Variants in ARHGAP32 observed in about 807,000 individuals in gnomAD.
ARHGAP32 encodes Rho GTPase activating protein 32.
In ARHGAP32, 51 loss-of-function variants were observed where a neutral mutation model predicts 186.5. That is an observed-to-expected ratio of 0.27 (90% CI 0.22 to 0.35). The LOEUF is 0.35. Ranked by LOEUF, ARHGAP32 falls within the 10% of genes least tolerant of loss-of-function variation. The pLI is 1.00. For missense variants in ARHGAP32, 2,186 were observed against 2,623.5 expected (o/e 0.83, Z 3.64); for synonymous variants, 950 against 964.3 (o/e 0.99, Z 0.27).
rs188479055 is a variant in ARHGAP32 at position 129,230,158 on chromosome 11, A to G, written c.-5+48988T>C. 2.0e-5 allele frequency among the ~76,000 whole-genome samples: 3 copies of G among 152,270 alleles called. No individual in the cohort carries two copies. In the East Asian group the frequency reaches 5.8e-4, roughly 29 times the overall value. ...TAAATGAAAAACGAAGTTATATGCT[A>G]CTGAAGAATTGGGACATTGGGTGGC... On this transcript the variant is annotated intron_variant, in intron 1 of 6. Coordinates refer to the ARHGAP32 transcript ENST00000525234.
intron 2 of ARHGAP32, among the ~76,000 whole-genome samples, chr11:129,131,499 A>G (rs1199871474): frequency 5.3e-5 from 8 of 152,184 alleles, no homozygotes; most frequent in Non-Finnish European, 7.4e-5. Flanking sequence ...AAAACCACCC[A>G]AAGAAAACAG....
intron 11 of ARHGAP32, among the ~76,000 whole-genome samples, chr11:129,010,785 A>G (rs575643595): frequency 6.6e-6 from 1 of 152,324 alleles, no homozygotes; most frequent in African/African-American, 2.4e-5. Flanking sequence ...GTCTGATAGT[A>G]AAAGCTTCTG....
intron 6 of ARHGAP32, among the ~76,000 whole-genome samples, chr11:129,078,617 C>A (rs975032018): frequency 3.3e-5 from 5 of 152,192 alleles, no homozygotes; most frequent in African/African-American, 1.2e-4. Context: ...CTCAGCCTCC[C>A]GAGTAGCTGG....
chr11:129,020,592 C>T (rs1351790034), intron 11 of ARHGAP32, among the ~76,000 whole-genome samples: 1 of 152,032 alleles, frequency 6.6e-6, no homozygotes, highest in Non-Finnish European at 1.5e-5. Flanking sequence ...CAAGAGTTTA[C>T]TGCAGTAAAA....
intron 11 of ARHGAP32, chr11:129,030,427 G>A (rs985968008): frequency 9.9e-5 from 15 of 152,118 alleles, no homozygotes; most frequent in African/African-American, 3.4e-4. Context: ...TAGAGGACTG[G>A]TTTCCTGAAA....
upstream of ARHGAP32, among the ~76,000 whole-genome samples, chr11:129,279,492 C>T (rs1279185993): frequency 6.9e-6 from 1 of 144,814 alleles, no homozygotes; most frequent in African/African-American, 2.5e-5. Flanking sequence ...GCCTCTCACC[C>T]TGACGCCTTC....
At position 128,970,296 on chromosome 11, in the gene ARHGAP32, G is replaced by A. The variant is rs774506672; in HGVS notation, c.4917C>T (p.Ser1639=). The change falls in exon 23 of 23, where the codon TCC becomes TCT. Residue 1639 remains serine (S), a synonymous_variant. Coordinates refer to ENST00000682385, the MANE Select transcript of ARHGAP32 (RefSeq NM_001378024.1). This position sits in a 1 kb window ranked among gnomAD's most constrained non-coding sequence, Gnocchi z 5.8. ...RPLYQYKPYQ[S]SQARSDYHVT... ...CATGATAATCTGAGCGGGCCTGGGA[G>A]GACTGATATGGCTTATATTGGTACA... is the stretch of plus-strand genomic sequence containing the variant. 6 of 1,614,188 alleles carry A rather than the reference G, an allele frequency of 3.7e-6. No homozygotes were observed. In the Admixed American group the frequency reaches 5.0e-5, roughly 13 times the overall value.
At chr11:129,015,594 CATGTAACGACATACTGTAACGACATGTGT>C (rs1351503310) in intron 11 of ARHGAP32, among the ~76,000 whole-genome samples, 1 of 152,086 alleles carries the variant, frequency 6.6e-6, no homozygotes, top group Admixed American at 6.6e-5. Context: ...CATTTCCATC[CATGTAACGACATACTGTAACGACATGTGT>C]ATGTAGCCAT....
intron 6 of ARHGAP32, among the ~76,000 whole-genome samples, chr11:129,089,357 G>A (rs193185266): frequency 1.3e-5 from 2 of 152,308 alleles, no homozygotes; most frequent in Admixed American, 1.3e-4. Flanking sequence ...TTCATACTCT[G>A]AAGAAATAAG....
At position 129,254,105 on chromosome 11, in the gene ARHGAP32, A is replaced by G. The variant is rs550993238; in HGVS notation, c.-5+25041T>C. 1.8e-4 allele frequency among the ~76,000 whole-genome samples: 27 copies of G among 152,236 alleles called. No homozygotes were observed. In the South Asian group the frequency reaches 5.2e-3, roughly 29 times the overall value. ...AGCTTTAGATGCCTAACTCACATTC[A>G]GTTCAAATATTTGACAAGCATGACC... On this transcript the variant is annotated intron_variant, in intron 1 of 6. Coordinates refer to the ARHGAP32 transcript ENST00000525234.
At chr11:129,254,337 T>C (rs1176831391) in intron 1 of ARHGAP32, among the ~76,000 whole-genome samples, 1 of 152,100 alleles carries the variant, frequency 6.6e-6, no homozygotes, top group Non-Finnish European at 1.5e-5. Flanking sequence ...ACATGTCATA[T>C]GGGAATCTGG....
At chr11:129,047,443 T>C (rs1266009438) in intron 10 of ARHGAP32, among the ~76,000 whole-genome samples, 2 of 152,128 alleles carry the variant, frequency 1.3e-5, no homozygotes, top group African/African-American at 4.8e-5. Flanking sequence ...ATCCCCACAA[T>C]TCCAGGTTTT....
chr11:129,158,869 T>A (rs772196594), intron 2 of ARHGAP32, among the ~76,000 whole-genome samples: 1 of 151,346 alleles, frequency 6.6e-6, no homozygotes, highest in African/African-American at 2.4e-5. Flanking sequence ...TCCCAAACAA[T>A]AGGCAATCAA....
intron 1 of ARHGAP32, among the ~76,000 whole-genome samples, chr11:129,277,709 C>A (rs1945549500): frequency 6.6e-6 from 1 of 152,182 alleles, no homozygotes; most frequent in Non-Finnish European, 1.5e-5. Flanking sequence ...TGAAGCATCA[C>A]CATATATCCA....
intron 1 of ARHGAP32, among the ~76,000 whole-genome samples, chr11:129,174,542 G>C (rs1383520774): frequency 6.6e-6 from 1 of 152,200 alleles, no homozygotes; most frequent in East Asian, 1.9e-4. Context: ...AAATGTCCCT[G>C]TCTGACAGCT....
intron 13 of ARHGAP32, among the ~76,000 whole-genome samples, 198 bp from the exon 14 acceptor site, chr11:128,986,866 T>G (rs1223465237): frequency 6.6e-6 from 1 of 152,202 alleles, no homozygotes; most frequent in Non-Finnish European, 1.5e-5. Flanking sequence ...ATAGATGTCT[T>G]TCTATGTGGA....
At chr11:129,252,766 C>T (rs1945202424) in intron 1 of ARHGAP32, among the ~76,000 whole-genome samples, 2 of 152,184 alleles carry the variant, frequency 1.3e-5, no homozygotes, top group South Asian at 4.1e-4. Context: ...GGGGAGGCTA[C>T]CTCCTTGTTC....
At position 128,978,926 on chromosome 11, in the gene ARHGAP32, G is replaced by A; in HGVS notation, c.1977-11C>T. ...TTTTGAGGCCTCTTTCTATGAAAGA[G>A]AAAAAATAATCAACATTAAGATAGC... On this transcript the variant is annotated splice_polypyrimidine_tract_variant and intron_variant, in intron 18 of 22. Transcript: ENST00000682385. 1 of 1,592,766 alleles carries A rather than the reference G, an allele frequency of 6.3e-7. No individual in the cohort carries two copies. The highest frequency in any genetic ancestry group is 1.8e-5 in the Admixed American group (1 of 54,118).
At chr11:129,155,749 A>G (rs963268071) in intron 2 of ARHGAP32, among the ~76,000 whole-genome samples, 3 of 152,164 alleles carry the variant, frequency 2.0e-5, no homozygotes, top group Middle Eastern at 3.4e-3. Context: ...ATAGTTGCTT[A>G]AAGAGTTGAT....
Sources: gnomAD v4.1 joint callset for allele counts (sites outside exome capture counted in the v4.1 genomes callset) on GRCh38, gnomAD v4.1.1 for gene constraint, Gnocchi (gnomAD v3.1) non-coding constraint, MANE v1.5 for transcripts, NCBI Gene and HGNC (gene_info 2026-07-23, HGNC 2026-07-21) for gene names.